MACROD2: variants seen among roughly 807,000 people sequenced by gnomAD.
MACROD2 encodes ADP-ribose glycohydrolase MACROD2.
A neutral mutation model predicts 70.4 loss-of-function variants in MACROD2; 36 were observed. The observed-to-expected ratio is 0.51, with a 90% CI of 0.39 to 0.68. The LOEUF (loss-of-function observed/expected upper bound fraction) is 0.68, where lower values mean the gene tolerates loss of function less well. MACROD2 is among the 30% of genes least tolerant of loss of function. The pLI, the probability that MACROD2 is intolerant of heterozygous loss-of-function variation, is 0.00. For synonymous variants in MACROD2, 172 were observed against 178.8 expected (o/e 0.96, Z 0.30); for missense variants, 496 against 538.4 (o/e 0.92, Z 0.78).
chr20:15,847,005 T>G (rs890205763), intron 8 of MACROD2, among the ~76,000 whole-genome samples: 5 of 151,246 alleles, frequency 3.3e-5, no homozygotes, highest in Admixed American at 2.0e-4. Flanking sequence ...TAGGTACATT[T>G]TAAATAATTT....
At chr20:14,743,427 A>ATG (rs2123723298) in intron 5 of MACROD2, among the ~76,000 whole-genome samples, 1 of 152,218 alleles carries the variant, frequency 6.6e-6, no homozygotes, top group East Asian at 1.9e-4. Context: ...TCAGACAGAG[A>ATG]TGTGCCTGAA....
intron 6 of MACROD2, among the ~76,000 whole-genome samples, chr20:15,332,646 C>T (rs1348608954): frequency 2.6e-5 from 4 of 151,094 alleles, no homozygotes; most frequent in Admixed American, 6.6e-5. Context: ...TTTCATGAGA[C>T]GATATATGAC....
At chr20:15,574,681 T>C (rs2048420825) in intron 8 of MACROD2, among the ~76,000 whole-genome samples, 1 of 152,168 alleles carries the variant, frequency 6.6e-6, no homozygotes, top group African/African-American at 2.4e-5. Flanking sequence ...TAGTTTTTGC[T>C]TTTCTTCCCC....
intron 5 of MACROD2, among the ~76,000 whole-genome samples, chr20:14,761,367 A>G (rs1240128599): frequency 6.6e-6 from 1 of 152,044 alleles, no homozygotes; most frequent in African/African-American, 2.4e-5. Context: ...GTACATTATT[A>G]ATATTTGAGT....
At chr20:14,980,403 C>T (rs1715526669) in intron 5 of MACROD2, among the ~76,000 whole-genome samples, 1 of 152,128 alleles carries the variant, frequency 6.6e-6, no homozygotes, top group Non-Finnish European at 1.5e-5. Flanking sequence ...CAAGACGGCC[C>T]TCACCAGATG....
At chr20:15,245,399 A>G (rs2077097021) in intron 6 of MACROD2, among the ~76,000 whole-genome samples, 1 of 152,200 alleles carries the variant, frequency 6.6e-6, no homozygotes, top group African/African-American at 2.4e-5. Context: ...TATTTCTATT[A>G]GAAAAAAAAT....
At chr20:14,663,388 A>T (rs2123540538) in intron 4 of MACROD2, among the ~76,000 whole-genome samples, 1 of 152,062 alleles carries the variant, frequency 6.6e-6, no homozygotes, top group East Asian at 1.9e-4. Flanking sequence ...TACTAGGCTT[A>T]ATATCTGGAT....
intron 5 of MACROD2, among the ~76,000 whole-genome samples, chr20:14,714,509 T>TC (rs2071375202): frequency 6.6e-6 from 1 of 152,206 alleles, no homozygotes; most frequent in Non-Finnish European, 1.5e-5. Flanking sequence ...TTCCTCCATG[T>TC]CCTATCCCTC....
chr20:14,288,763 A>T (rs1361170239), intron 3 of MACROD2, among the ~76,000 whole-genome samples: 2 of 152,228 alleles, frequency 1.3e-5, no homozygotes, highest in Non-Finnish European at 2.9e-5. Context: ...CAACCAGGAC[A>T]TTCTGTTCTC....
intron 7 of MACROD2, among the ~76,000 whole-genome samples, chr20:15,435,508 C>G (rs1327794399): frequency 1.3e-5 from 2 of 152,064 alleles, no homozygotes; most frequent in Non-Finnish European, 2.9e-5. Flanking sequence ...CCCACTCTAC[C>G]CACTCCATTT....
chr20:15,358,602 G>A (rs2146239662), intron 6 of MACROD2, among the ~76,000 whole-genome samples: 1 of 152,134 alleles, frequency 6.6e-6, no homozygotes, highest in South Asian at 2.1e-4. Flanking sequence ...TTCTGCAAGA[G>A]ATGCTAATTA....
chr20:15,369,675 G>A (rs1278436907), intron 6 of MACROD2, among the ~76,000 whole-genome samples: 1 of 152,132 alleles, frequency 6.6e-6, no homozygotes, highest in Admixed American at 6.6e-5. Flanking sequence ...CGTGGAAAGT[G>A]CTCTGAACAA....
intron 3 of MACROD2, among the ~76,000 whole-genome samples, chr20:14,329,502 A>G (rs554064508): frequency 6.6e-6 from 1 of 152,212 alleles, no homozygotes; most frequent in Non-Finnish European, 1.5e-5. Flanking sequence ...TTATACAAAT[A>G]AAGTAGGAGC....
chr20:15,590,771 C>T (rs538281141), intron 8 of MACROD2, among the ~76,000 whole-genome samples: 2 of 151,620 alleles, frequency 1.3e-5, no homozygotes, highest in Admixed American at 6.6e-5. Flanking sequence ...CCCAGCTACT[C>T]GGGAGGCATG....
intron 5 of MACROD2, among the ~76,000 whole-genome samples, chr20:14,796,626 G>C (rs6042927): frequency 0.071 from 10,726 of 151,938 alleles, 496 homozygotes; most frequent in African/African-American, 0.12. Flanking sequence ...AACTGTGCTC[G>C]ACTTTTTGTT....
chr20:14,298,916 G>T (rs1389236573), intron 3 of MACROD2, among the ~76,000 whole-genome samples: 2 of 152,196 alleles, frequency 1.3e-5, no homozygotes, highest in Non-Finnish European at 2.9e-5. Context: ...TGGATGAAGA[G>T]TTGCTCCTTA....
chr20:15,577,185 CTCT>C (rs1011370593), intron 8 of MACROD2, among the ~76,000 whole-genome samples: 10 of 150,100 alleles, frequency 6.7e-5, no homozygotes, highest in African/African-American at 2.5e-4. Flanking sequence ...GAAGCAATCA[CTCT>C]TTTTTTTTTT....
intron 6 of MACROD2, among the ~76,000 whole-genome samples, chr20:15,285,743 C>T (rs1023015798): frequency 5.8e-4 from 88 of 152,140 alleles, no homozygotes; most frequent in African/African-American, 1.9e-3. Context: ...ACTTTTATTT[C>T]GATGTATGGC....
chr20:14,733,746 GT>G (rs1036260948), intron 5 of MACROD2, among the ~76,000 whole-genome samples: 8 of 151,912 alleles, frequency 5.3e-5, no homozygotes, highest in Admixed American at 3.3e-4. Flanking sequence ...ATAGGCAGGG[GT>G]TTTTTTTCCC....
Sources: gnomAD v4.1 joint callset for allele counts (sites outside exome capture counted in the v4.1 genomes callset) on GRCh38, gnomAD v4.1.1 for gene constraint, MANE v1.5 for transcripts, NCBI Gene and HGNC (gene_info 2026-07-23, HGNC 2026-07-21) for gene names.